The following TTC9 variants were observed in gnomAD, a reference collection of about 807,000 sequenced individuals.
TTC9 encodes the protein tetratricopeptide repeat domain 9, also known as tetratricopeptide repeat protein 9A.
Under a neutral mutation model 22.9 loss-of-function variants are expected in TTC9, and 13 were observed. That is an observed-to-expected ratio of 0.57 (90% CI 0.37 to 0.90). The LOEUF is 0.90. Ranked by LOEUF, TTC9 falls within the 40% of genes least tolerant of loss-of-function variation. TTC9 has a pLI of 0.01. For synonymous variants in TTC9, 148 were observed against 133.2 expected, an observed-to-expected ratio of 1.11 and a Z score of -0.77; for missense variants, 280 against 291.8, an observed-to-expected ratio of 0.96 and a Z score of 0.29.
In TTC9 at chr14:70,667,615, G is replaced by A; in HGVS notation, c.458G>A (p.Cys153Tyr). 6.2e-7 allele frequency: 1 copy of A among 1,613,982 alleles called. No individual in the cohort carries two copies. Among genetic ancestry groups the A allele is most frequent in the Non-Finnish European group, 8.5e-7 (1 of 1,179,890 alleles). ...LVNYERVKEY[C>Y]LKVLKKEGEN... ...AACTATGAACGAGTCAAGGAATATT[G>A]CCTCAAAGTCTTGAAGAAGGAAGGG... The change falls in exon 2 of 3, where the codon TGC becomes TAC. Residue 153 changes from cysteine to tyrosine, a missense_variant. This residue lies in a region of TTC9 where 39 missense variants were observed against 67.4 expected (regional missense o/e 0.58). Coordinates refer to ENST00000256367, the MANE Select transcript of TTC9 (RefSeq NM_015351.2).
rs867943038 is a variant in TTC9 at position 70,672,372 on chromosome 14, C to T, written c.*1217C>T. 1 of 152,214 alleles carries T rather than the reference C, an allele frequency of 6.6e-6. No homozygotes were observed. Among genetic ancestry groups the T allele is most frequent in the African/African-American group, 2.4e-5 (1 of 41,456 alleles). The allele number at this position is 152,214 out of a possible 1,614,324, so 9.4% of individuals were successfully genotyped here. ...TCTCCTGCCTTAAACTAATTTCATC[C>T]CAGCCTAGTCTCCTGATGTCTGTGC... is the stretch of plus-strand genomic sequence containing the variant. On this transcript the variant is annotated 3_prime_UTR_variant, in exon 3 of 3. Coordinates refer to ENST00000256367, the MANE Select transcript of TTC9 (RefSeq NM_015351.2).
chr14:70,658,825 A>G (rs1405067239), intron 1 of TTC9, among the ~76,000 whole-genome samples: 1 of 152,208 alleles, frequency 6.6e-6, no homozygotes, highest in Non-Finnish European at 1.5e-5. Context: ...CAGCAGATGA[A>G]TGGGTAAACA....
intron 1 of TTC9, among the ~76,000 whole-genome samples, chr14:70,643,043 G>A (rs1467977655): frequency 2.6e-5 from 4 of 152,346 alleles, no homozygotes; most frequent in Non-Finnish European, 4.4e-5. Context: ...GTAGCAAAGG[G>A]GAGTTTGACA....
intron 2 of TTC9, among the ~76,000 whole-genome samples, chr14:70,668,521 G>A (rs1009501545): frequency 3.9e-5 from 6 of 152,142 alleles, no homozygotes; most frequent in Admixed American, 1.3e-4. Flanking sequence ...AGTAATAAAC[G>A]CTGTGAAGAA....
At position 70,671,708 on chromosome 14, in the gene TTC9, C is replaced by T. The variant is rs1886298785; in HGVS notation, c.*553C>T. 1 of 139,812 alleles carries T rather than the reference C, an allele frequency of 7.2e-6. No individual in the cohort carries two copies. Among genetic ancestry groups the T allele is most frequent in the East Asian group, 2.6e-4 (1 of 3,906 alleles). 8.7% of individuals were successfully genotyped at this position (139,812 alleles called of 1,614,324 possible). A position where few individuals can be genotyped will look rare whatever the true frequency, so the allele number is the denominator to read the frequency against. On this transcript the variant is annotated 3_prime_UTR_variant, in exon 3 of 3. Coordinates refer to ENST00000256367, the MANE Select transcript of TTC9 (RefSeq NM_015351.2). ...CCCACCCCCCACCCGTCACTTAGCC[C>T]CTGCCTCCTTCCCCCACTCGTTGTC...
chr14:70,652,979 GTCTT>G (rs1886007859), intron 1 of TTC9, among the ~76,000 whole-genome samples: 1 of 152,238 alleles, frequency 6.6e-6, no homozygotes, highest in South Asian at 2.1e-4. Context: ...ATGGAAACAG[GTCTT>G]TACATAGTGA....
chr14:70,642,556 C>A (rs770702948), intron 1 of TTC9, 21 bp downstream of exon 1: 27 of 1,526,840 alleles, frequency 1.8e-5, no homozygotes, highest in South Asian at 2.4e-5. Context: ...CCGCGCCCCC[C>A]GCGCCGCGGT....
intron 1 of TTC9, among the ~76,000 whole-genome samples, chr14:70,644,390 C>T (rs1033253352): frequency 5.3e-5 from 8 of 152,194 alleles, no homozygotes; most frequent in Non-Finnish European, 2.9e-5. Context: ...CTCCAGTGCT[C>T]ACCACTTATA....
At chr14:70,665,407 G>C (rs1886201290) in intron 1 of TTC9, among the ~76,000 whole-genome samples, 1 of 152,198 alleles carries the variant, frequency 6.6e-6, no homozygotes, top group South Asian at 2.1e-4. Flanking sequence ...CAACATGCAG[G>C]TGAGGAAGGG....
intron 2 of TTC9, among the ~76,000 whole-genome samples, chr14:70,669,370 C>T (rs1315223748): frequency 6.6e-6 from 1 of 152,034 alleles, no homozygotes; most frequent in Non-Finnish European, 1.5e-5. Context: ...ACTTCCGCCT[C>T]TTGGGCTCAA....
At chr14:70,648,261 T>C (rs1269686381) in intron 1 of TTC9, among the ~76,000 whole-genome samples, 1 of 152,168 alleles carries the variant, frequency 6.6e-6, no homozygotes, top group East Asian at 1.9e-4. Flanking sequence ...GTCAAGTAAA[T>C]GGGGCTTGTA....
chr14:70,663,056 T>G (rs1886166451), intron 1 of TTC9, among the ~76,000 whole-genome samples: 1 of 152,212 alleles, frequency 6.6e-6, no homozygotes, highest in Admixed American at 6.5e-5. Context: ...TCTGGTCACC[T>G]GAGTCACCAT....
chr14:70,667,093 C>T (rs1288751458), intron 1 of TTC9, among the ~76,000 whole-genome samples: 3 of 152,168 alleles, frequency 2.0e-5, no homozygotes, highest in Non-Finnish European at 2.9e-5. Flanking sequence ...TCAGGCATTC[C>T]TTGGCTTATG....
At position 70,642,169 on chromosome 14, in the gene TTC9, C is replaced by A; in HGVS notation, c.40C>A (p.Pro14Thr). The A allele has an allele frequency of 8.3e-7, 1 of 1,197,980 alleles. No individual in the cohort carries two copies. The highest frequency in any genetic ancestry group is 1.0e-6 in the Non-Finnish European group (1 of 960,176). 74.2% of individuals were successfully genotyped at this position (1,197,980 alleles called of 1,614,324 possible). ...KGSAAGAKGN[P>T]SPPAAGEGQR... ...CTCGGCGGCCGGGGCCAAGGGGAAC[C>A]CGAGCCCGCCCGCGGCCGGAGAGGG... The change falls in exon 1 of 3, where the codon CCG becomes ACG. Residue 14 changes from proline (P) to threonine (T), a missense_variant. Pro to Thr is a conservative substitution (Grantham distance 38). Around this residue, in one of 5 missense-constraint regions of TTC9, gnomAD observed 49 missense variants for 39.8 expected, o/e 1.23. Coordinates refer to ENST00000256367, the MANE Select transcript of TTC9 (RefSeq NM_015351.2).
chr14:70,665,508 G>A (rs1886203368), intron 1 of TTC9, among the ~76,000 whole-genome samples: 1 of 152,210 alleles, frequency 6.6e-6, no homozygotes, highest in African/African-American at 2.4e-5. Flanking sequence ...ACCCCCTGGT[G>A]CACCAGAAGA....
At chr14:70,662,413 CAAAAAAAAAA>C (rs57369399) in intron 1 of TTC9, among the ~76,000 whole-genome samples, 2 of 123,240 alleles carry the variant, frequency 1.6e-5, no homozygotes, top group African/African-American at 5.7e-5. Context: ...ATCTCTATGC[CAAAAAAAAAA>C]AAAAAAAAAA....
intron 1 of TTC9, among the ~76,000 whole-genome samples, chr14:70,647,392 T>C (rs1427250632): frequency 6.6e-6 from 1 of 152,210 alleles, no homozygotes. Context: ...GACCCTACCC[T>C]TTCCTTCTGT....
At position 70,642,087 on chromosome 14, in the gene TTC9, C is replaced by CGGG; in HGVS notation, c.-42_-40dup. The stretch of plus-strand genomic sequence containing the variant: ...GAAGGCGCGGCGGCGGCGGCGGCGG[C>CGGG]GGGCAGATCGCGGCGCGCACCAGGC... On this transcript the variant is annotated 5_prime_UTR_variant, in exon 1 of 3. Transcript: ENST00000256367. 1 of 1,043,004 alleles carries CGGG rather than the reference C, an allele frequency of 9.6e-7. No homozygotes were observed. Among genetic ancestry groups the CGGG allele is most frequent in the Non-Finnish European group, 1.2e-6 (1 of 868,772 alleles). The allele number at this position is 1,043,004 out of a possible 1,614,324, so 64.6% of individuals were successfully genotyped here. A position where few individuals can be genotyped will look rare whatever the true frequency, so the allele number is the denominator to read the frequency against.
chr14:70,644,448 C>T (rs765162345), intron 1 of TTC9, among the ~76,000 whole-genome samples: 142 of 152,350 alleles, frequency 9.3e-4, no homozygotes, highest in Non-Finnish European at 1.7e-3. Context: ...TACATTGTCT[C>T]TTTAAATCTT....
Sources: allele counts gnomAD v4.1 joint callset (sites outside exome capture counted in the v4.1 genomes callset), GRCh38; gene constraint gnomAD v4.1.1; regional missense constraint gnomAD v4.1.1; transcripts MANE v1.5; gene names NCBI Gene and HGNC (gene_info 2026-07-23, HGNC 2026-07-21).